GASK1A: variants seen among roughly 807,000 people sequenced by gnomAD.
The protein encoded by GASK1A is golgi associated kinase 1A, also known as Golgi-associated kinase 1A.
GASK1A carries 40 observed loss-of-function variants against 41.2 expected under a neutral mutation model. The observed-to-expected ratio is 0.97, with a 90% CI of 0.75 to 1.27. GASK1A has a LOEUF of 1.27. Ranked by LOEUF, GASK1A falls within the 50% of genes most tolerant of loss-of-function variation. The pLI is 0.00. For synonymous variants in GASK1A, 316 were observed against 307.1 expected (o/e 1.03, Z -0.30); for missense variants, 678 against 745.1 (o/e 0.91, Z 1.05).
intron 1 of GASK1A, among the ~76,000 whole-genome samples, chr3:43,003,953 C>T (rs1249060312): frequency 6.6e-6 from 1 of 152,190 alleles, no homozygotes; most frequent in East Asian, 1.9e-4. Flanking sequence ...GTATCAGTGA[C>T]TCTTTTGAAT....
intron 1 of GASK1A, among the ~76,000 whole-genome samples, chr3:43,027,014 A>C (rs1247623990): frequency 6.6e-6 from 1 of 152,258 alleles, no homozygotes; most frequent in Non-Finnish European, 1.5e-5. Flanking sequence ...TAGGGCAGCC[A>C]GGCAGGGTAA....
chr3:43,000,801 T>C lies in GASK1A; in HGVS notation c.3+21156T>C, dbSNP rs188355653. ...AACACACGGATGAGGTGATGGACCA[T>C]TTCATTGTAGTTGTATTTTGGGGCA... On this transcript the variant is annotated intron_variant, in intron 1 of 4. Coordinates refer to ENST00000430121, the MANE Select transcript of GASK1A (RefSeq NM_001129908.3). 1.1e-4 allele frequency among the ~76,000 whole-genome samples: 16 copies of C among 152,312 alleles called. No individual in the cohort carries two copies. In the South Asian group the frequency reaches 1.7e-3, roughly 16 times the overall value.
At chr3:42,988,787 C>T (rs540944616) in intron 1 of GASK1A, among the ~76,000 whole-genome samples, 1 of 152,348 alleles carries the variant, frequency 6.6e-6, no homozygotes, top group South Asian at 2.1e-4. Context: ...CTGCCACTGC[C>T]TCTCTGTGCT....
intron 1 of GASK1A, among the ~76,000 whole-genome samples, chr3:42,995,597 C>T (rs959384687): frequency 1.3e-5 from 2 of 152,180 alleles, no homozygotes; most frequent in African/African-American, 4.8e-5. Flanking sequence ...CTACCACCTC[C>T]TGGAGACTGG....
intron 3 of GASK1A, among the ~76,000 whole-genome samples, chr3:43,054,690 G>T (rs1327618915): frequency 6.6e-6 from 1 of 152,212 alleles, no homozygotes. Context: ...CATGGGAGTG[G>T]GGACCAGAAG....
intron 2 of GASK1A, among the ~76,000 whole-genome samples, chr3:43,044,860 C>G (rs1358373111): frequency 6.6e-6 from 1 of 152,122 alleles, no homozygotes; most frequent in Non-Finnish European, 1.5e-5. Flanking sequence ...GCCGTGGGAG[C>G]TACAAAGTCT....
chr3:43,010,060 G>C (rs1022048176), intron 1 of GASK1A, among the ~76,000 whole-genome samples: 11 of 152,130 alleles, frequency 7.2e-5, no homozygotes, highest in African/African-American at 2.7e-4. Flanking sequence ...TGTTCCTTTG[G>C]AGGAAGCTGC....
intron 3 of GASK1A, chr3:43,054,180 G>A (rs2089705488): frequency 1.0e-5 from 2 of 197,608 alleles, no homozygotes; most frequent in African/African-American, 2.3e-5. Context: ...AAGAAGCAAG[G>A]TGCTTCCCCC....
At chr3:42,992,977 A>G (rs2089349612) in intron 1 of GASK1A, among the ~76,000 whole-genome samples, 1 of 152,232 alleles carries the variant, frequency 6.6e-6, no homozygotes, top group Non-Finnish European at 1.5e-5. Context: ...TTGAACATTC[A>G]GCAGTCTATG....
At chr3:43,040,971 G>A (rs905125503) in intron 2 of GASK1A, among the ~76,000 whole-genome samples, 3 of 150,364 alleles carry the variant, frequency 2.0e-5, no homozygotes, top group Non-Finnish European at 4.4e-5. Context: ...GAGAATATGC[G>A]GTGTTTGGTT....
Position 43,026,118 on chromosome 3 carries a change from A to G in GASK1A, c.4-6149A>G, listed in dbSNP as rs930260422. ...AATCACCATCCCCCGCTTGTCTGCA[A>G]AAGAGGGTGTGGAAATGGGATGGGG... On this transcript the variant is annotated intron_variant, in intron 1 of 4. Transcript: ENST00000430121. Among the ~76,000 whole-genome samples the G allele has an allele frequency of 8.5e-5, 13 of 152,310 alleles. No homozygotes were observed. In the East Asian group the frequency reaches 9.6e-4, roughly 11 times the overall value.
At chr3:43,049,279 A>T (rs2089677423) in intron 2 of GASK1A, among the ~76,000 whole-genome samples, 2 of 151,196 alleles carry the variant, frequency 1.3e-5, no homozygotes. Flanking sequence ...AAGATGACTT[A>T]ATGGATAGAT....
chr3:43,021,667 A>G lies in GASK1A; in HGVS notation c.4-10600A>G, dbSNP rs1482639830. Reference sequence around the variant, plus strand: ...TTATTGTGCCAACTCCTGGAGGGAGAAGATATCTCTTTCTCCCCATTTTAT... The same window carrying G: ...TTATTGTGCCAACTCCTGGAGGGAGGAGATATCTCTTTCTCCCCATTTTAT... On this transcript the variant is annotated intron_variant, in intron 1 of 4. Transcript: ENST00000430121. Among the ~76,000 whole-genome samples, 3 of 152,186 alleles carry G rather than the reference A, an allele frequency of 2.0e-5. No homozygotes were observed. In the East Asian group the frequency reaches 5.8e-4, roughly 29 times the overall value.
At chr3:42,979,784 A>T (rs1452976437) in intron 1 of GASK1A, 139 bp downstream of exon 1, 1 of 875,958 alleles carries the variant, frequency 1.1e-6, no homozygotes, top group Non-Finnish European at 1.5e-6. Context: ...CGAAAGTTGC[A>T]TGGGGCGGCG....
chr3:43,006,143 C>T (rs905400354), intron 1 of GASK1A, among the ~76,000 whole-genome samples: 1 of 152,120 alleles, frequency 6.6e-6, no homozygotes. Context: ...AAGCACACAT[C>T]AATTTCTTTC....
chr3:43,033,337 C>T lies in GASK1A; in HGVS notation c.1074C>T (p.Tyr358=), dbSNP rs1051119246. ...ARRFHSPLLP[Y]RYTDGGARPV... Reference sequence around the variant, plus strand: ...GCTTCCATAGCCCCCTCCTGCCCTACCGATACACAGACGGTGGAGCAAGGC... The same window carrying T: ...GCTTCCATAGCCCCCTCCTGCCCTATCGATACACAGACGGTGGAGCAAGGC... Residue 358 remains tyrosine (Y), a synonymous_variant, in exon 2 of 5, where the codon TAC becomes TAT. Transcript: ENST00000430121. The T allele has an allele frequency of 9.7e-6, 15 of 1,551,222 alleles. No individual in the cohort carries two copies. The highest frequency in any genetic ancestry group is 6.8e-5 in the African/African-American group (5 of 73,062).
chr3:43,028,458 A>G (rs1356764464), intron 1 of GASK1A, among the ~76,000 whole-genome samples: 1 of 152,216 alleles, frequency 6.6e-6, no homozygotes, highest in Non-Finnish European at 1.5e-5. Context: ...AAAATATTAC[A>G]ACAGAACTAA....
chr3:43,003,985 T>G, intron 1 of GASK1A, among the ~76,000 whole-genome samples: 1 of 152,190 alleles, frequency 6.6e-6, no homozygotes, highest in Non-Finnish European at 1.5e-5. Context: ...ATTCATTTAT[T>G]TATTCATTCA....
intron 1 of GASK1A, among the ~76,000 whole-genome samples, chr3:42,980,482 G>A (rs1404988894): frequency 1.1e-4 from 16 of 152,176 alleles, no homozygotes; most frequent in Non-Finnish European, 2.9e-5. Context: ...CTGCTTCCGT[G>A]CCTGCTCGCC....
Sources: allele counts gnomAD v4.1 joint callset (sites outside exome capture counted in the v4.1 genomes callset), GRCh38; gene constraint gnomAD v4.1.1; transcripts MANE v1.5; gene names NCBI Gene and HGNC (gene_info 2026-07-23, HGNC 2026-07-21).